LINC00305: variants seen among roughly 807,000 people sequenced by gnomAD.
LINC00305 encodes the protein long intergenic non-protein coding RNA 305.
chr18:64,132,041 T>G (rs2051412330), intron 1 of LINC00305, among the ~76,000 whole-genome samples: 1 of 152,232 alleles, frequency 6.6e-6, no homozygotes, highest in Admixed American at 6.5e-5. Context: ...TAGAAAGTAT[T>G]TTTATTTTGT....
At chr18:64,143,734 C>CCACATATTATGCGTACATGTATGTA (rs759048380) in intron 1 of LINC00305, among the ~76,000 whole-genome samples, 8 of 112,420 alleles carry the variant, frequency 7.1e-5, no homozygotes, top group African/African-American at 2.2e-4. Flanking sequence ...ACATGTATGT[C>CCACATATTATGCGTACATGTATGTA]CACATATTAT....
chr18:64,095,579 A>G (rs924034284), intron 3 of LINC00305, among the ~76,000 whole-genome samples: 2 of 152,212 alleles, frequency 1.3e-5, no homozygotes, highest in African/African-American at 2.4e-5. Flanking sequence ...AAATAATTTA[A>G]GAAAATTAAA....
chr18:64,123,083 G>A (rs1295256002), intron 1 of LINC00305, among the ~76,000 whole-genome samples: 2 of 152,024 alleles, frequency 1.3e-5, no homozygotes, highest in Non-Finnish European at 2.9e-5. Flanking sequence ...TTTTGGTGGA[G>A]TCTTTAGTTT....
intron 1 of LINC00305, among the ~76,000 whole-genome samples, chr18:64,123,396 T>G (rs1266263329): frequency 6.6e-6 from 1 of 152,080 alleles, no homozygotes; most frequent in Non-Finnish European, 1.5e-5. Flanking sequence ...TTAGGAATAT[T>G]TAAGACTCAT....
At chr18:64,118,593 G>T (rs2051347978) in intron 1 of LINC00305, among the ~76,000 whole-genome samples, 1 of 152,054 alleles carries the variant, frequency 6.6e-6, no homozygotes, top group Non-Finnish European at 1.5e-5. Flanking sequence ...GTGGGATAAA[G>T]CTTTACGTGG....
intron 1 of LINC00305, among the ~76,000 whole-genome samples, chr18:64,109,959 T>C (rs904840034): frequency 6.6e-6 from 1 of 152,194 alleles, no homozygotes; most frequent in Non-Finnish European, 1.5e-5. Flanking sequence ...TCTTAAATCA[T>C]TGTGAGTTTT....
chr18:64,127,831 G>T (rs779809621), intron 1 of LINC00305, among the ~76,000 whole-genome samples: 2 of 152,030 alleles, frequency 1.3e-5, no homozygotes, highest in Non-Finnish European at 2.9e-5. Context: ...AAATAATAGG[G>T]CTGAATTTCT....
At chr18:64,148,336 T>G (rs909855511) in intron 1 of LINC00305, among the ~76,000 whole-genome samples, 1 of 152,154 alleles carries the variant, frequency 6.6e-6, no homozygotes, top group African/African-American at 2.4e-5. Context: ...GATATCTTTA[T>G]GTCTTTTCAC....
At chr18:64,124,306 C>T (rs1378320135) in intron 1 of LINC00305, among the ~76,000 whole-genome samples, 2 of 152,096 alleles carry the variant, frequency 1.3e-5, no homozygotes, top group Non-Finnish European at 2.9e-5. Flanking sequence ...CTGTATCTCT[C>T]TCAACTGGTT....
chr18:64,143,600 G>GTGTACATA (rs1568120113), intron 1 of LINC00305, among the ~76,000 whole-genome samples: 6 of 91,976 alleles, frequency 6.5e-5, no homozygotes, highest in African/African-American at 1.8e-4. Flanking sequence ...GTACACATAT[G>GTGTACATA]TATATGTACA....
chr18:64,143,625 T>TATATGTACATATGTATACATATGC (rs2051479035), intron 1 of LINC00305, among the ~76,000 whole-genome samples: 2 of 95,562 alleles, frequency 2.1e-5, no homozygotes, highest in East Asian at 2.6e-4. Flanking sequence ...TACACATATG[T>TATATGTACATATGTATACATATGC]ATGTACACGT....
At chr18:64,080,640 A>G (rs1422864470) in intron 3 of LINC00305, among the ~76,000 whole-genome samples, 1 of 152,212 alleles carries the variant, frequency 6.6e-6, no homozygotes, top group African/African-American at 2.4e-5. Context: ...TTTTAAGTAC[A>G]TTAATTGGAG....
chr18:64,144,610 G>C (rs1001888101), intron 1 of LINC00305, among the ~76,000 whole-genome samples: 12 of 152,152 alleles, frequency 7.9e-5, no homozygotes, highest in Admixed American at 3.3e-4. Flanking sequence ...CAAGGTTCAA[G>C]TGATTCTCCT....
At chr18:64,116,776 G>T (rs530720926) in intron 1 of LINC00305, among the ~76,000 whole-genome samples, 25 of 152,166 alleles carry the variant, frequency 1.6e-4, no homozygotes, top group Admixed American at 3.3e-4. Context: ...TGACAGTCCA[G>T]TGAAAATGCT....
At chr18:64,100,594 G>A (rs761862605) in intron 1 of LINC00305, among the ~76,000 whole-genome samples, 7 of 152,186 alleles carry the variant, frequency 4.6e-5, no homozygotes, top group Non-Finnish European at 7.3e-5. Context: ...GACTCATAAA[G>A]TCTTTGAATG....
intron 1 of LINC00305, among the ~76,000 whole-genome samples, chr18:64,100,981 C>T (rs1397891445): frequency 1.3e-5 from 2 of 152,128 alleles, no homozygotes; most frequent in Non-Finnish European, 2.9e-5. Flanking sequence ...CTGTGAAAAC[C>T]TCCTGTGAAA....
At chr18:64,095,994 G>T (rs923983212) in intron 3 of LINC00305, among the ~76,000 whole-genome samples, 4 of 151,932 alleles carry the variant, frequency 2.6e-5, no homozygotes, top group African/African-American at 9.7e-5. Context: ...TGGGAAAAAT[G>T]CTAGAAGAAT....
At chr18:64,083,746 A>G (rs979188440) in intron 3 of LINC00305, among the ~76,000 whole-genome samples, 10 of 152,174 alleles carry the variant, frequency 6.6e-5, no homozygotes, top group Admixed American at 5.2e-4. Context: ...AGCTCTTCCT[A>G]AATTCCTGGT....
At chr18:64,133,954 T>G (rs749053118) in intron 1 of LINC00305, among the ~76,000 whole-genome samples, 1 of 152,196 alleles carries the variant, frequency 6.6e-6, no homozygotes, top group Non-Finnish European at 1.5e-5. Flanking sequence ...TAGTAAATAC[T>G]TGAATAACAT....
Sources: gnomAD v4.1 joint callset for allele counts (sites outside exome capture counted in the v4.1 genomes callset) on GRCh38, gnomAD v4.1.1 for gene constraint, MANE v1.5 for transcripts, NCBI Gene and HGNC (gene_info 2026-07-23, HGNC 2026-07-21) for gene names.